Variants in TSPAN32 observed in about 807,000 individuals in gnomAD.
The protein encoded by TSPAN32 is tetraspanin 32, also known as tetraspanin-32.
A neutral mutation model predicts 42.7 loss-of-function variants in TSPAN32; 47 were observed. That is an observed-to-expected ratio of 1.10 (90% confidence interval 0.87 to 1.40). The LOEUF (loss-of-function observed/expected upper bound fraction) is 1.40. Among genes scored for constraint, TSPAN32 ranks in the 40% most tolerant of loss-of-function variants. The pLI is 0.00. For missense variants in TSPAN32, 469 were observed against 424.1 expected (o/e 1.11, Z -0.93); for synonymous variants, 175 against 175.9 (o/e 0.99, Z 0.04).
At chr11:2,315,582 G>A (rs1309679203) in intron 6 of TSPAN32, 1 of 1,177,796 alleles carries the variant, frequency 8.5e-7, no homozygotes. Flanking sequence ...CAGATGGGCT[G>A]GCATGGGCGG....
intron 3 of TSPAN32, among the ~76,000 whole-genome samples, chr11:2,306,209 A>C (rs1848077699): frequency 6.6e-6 from 1 of 151,982 alleles, no homozygotes. Context: ...CAGGGAGTGG[A>C]AAGATTTTTT....
Position 2,313,918 on chromosome 11 carries a change from C to T in TSPAN32, c.456+163C>T, listed in dbSNP as rs1848627309. On this transcript the variant is annotated intron_variant, in intron 5 of 9. Transcript: ENST00000182290. This position sits in a 1 kb window ranked among gnomAD's most constrained non-coding sequence, Gnocchi z 9.1. The stretch of plus-strand genomic sequence containing the variant: ...CAGGGCTGGGGGCAAAAAGCTCCCA[C>T]CCTCTGTCTGCCCAGGACAAGGCCG... Among the ~76,000 whole-genome samples the T allele has an allele frequency of 6.6e-6, 1 of 152,012 alleles. No individual in the cohort carries two copies.
rs948831210 is a variant in TSPAN32, at chr11:2,304,028, T to C, written c.182-79T>C. 5.0e-5 allele frequency: 58 copies of C among 1,150,476 alleles called. No individual in the cohort carries two copies. Among genetic ancestry groups the C allele is most frequent in the Non-Finnish European group, 7.2e-5 (57 of 786,678 alleles). The allele number at this position is 1,150,476 out of a possible 1,614,324, so 71.3% of individuals were successfully genotyped here. A position where few individuals can be genotyped will look rare whatever the true frequency, so the allele number is the denominator to read the frequency against. ...CCCTCACGGCCCCTGACTCCCAAGT[T>C]AGATTTCACACCCAGGCTGTGTGCA... is the stretch of plus-strand genomic sequence containing the variant. On this transcript the variant is annotated intron_variant, in intron 2 of 9. Coordinates refer to ENST00000182290, the MANE Select transcript of TSPAN32 (RefSeq NM_139022.3). This position sits in a 1 kb window ranked among gnomAD's most constrained non-coding sequence, Gnocchi z 4.8.
At chr11:2,316,795 C>T (rs559432481) in intron 8 of TSPAN32, 128 bp downstream of exon 8, 219 of 1,043,106 alleles carry the variant, frequency 2.1e-4, no homozygotes, top group Middle Eastern at 3.0e-4. Context: ...GTAGAGGAAA[C>T]GCTTTGGGGG....
At chr11:2,306,731 G>A (rs975405188) in intron 3 of TSPAN32, among the ~76,000 whole-genome samples, 1 of 149,856 alleles carries the variant, frequency 6.7e-6, no homozygotes, top group African/African-American at 2.5e-5. Flanking sequence ...AGGAGGAGGA[G>A]GAGGAGGACG....
At chr11:2,305,490 G>A (rs1848028614) in intron 3 of TSPAN32, among the ~76,000 whole-genome samples, 1 of 152,240 alleles carries the variant, frequency 6.6e-6, no homozygotes, top group Non-Finnish European at 1.5e-5. Flanking sequence ...AACCAGCGCT[G>A]GGGCTGCAGT....
At position 2,316,574 on chromosome 11, in the gene TSPAN32, A is replaced by C. The variant is rs753259534; in HGVS notation, c.628-2A>C. 1.9e-6 allele frequency: 3 copies of C among 1,593,434 alleles called. No individual in the cohort carries two copies. The East Asian group carries it at 6.7e-5, about 36-fold the overall frequency. On this transcript the variant is annotated splice_acceptor_variant, in intron 7 of 9. Coordinates refer to ENST00000182290, the MANE Select transcript of TSPAN32 (RefSeq NM_139022.3). LOFTEE classifies it high-confidence loss of function. ...GGGCAGCCGCGGGTGTCTCCCTCCC[A>C]GGTGTCCGCCTTGCTCTTCAGCTCC...
At chr11:2,306,363 A>G (rs1324100697) in intron 3 of TSPAN32, among the ~76,000 whole-genome samples, 1 of 152,126 alleles carries the variant, frequency 6.6e-6, no homozygotes, top group Non-Finnish European at 1.5e-5. Context: ...GCGCCGCCCA[A>G]GGAAGCACAT....
At chr11:2,311,031 C>A (rs1020791416) in intron 4 of TSPAN32, among the ~76,000 whole-genome samples, 1 of 152,240 alleles carries the variant, frequency 6.6e-6, no homozygotes, top group African/African-American at 2.4e-5. Context: ...GCACCGGAAA[C>A]GTCGAGGTGA....
chr11:2,314,576 G>T lies in TSPAN32; in HGVS notation c.543+5G>T, dbSNP rs771964174. 9 of 1,601,002 alleles carry T rather than the reference G, an allele frequency of 5.6e-6. No individual in the cohort carries two copies. The highest frequency in any genetic ancestry group is 7.7e-6 in the Non-Finnish European group (9 of 1,173,380). ...GGAGAGGAGGCGGCGAGAGAGGTGA[G>T]GGGGGGACCTGGATGCTGGCCAGGC... On this transcript the variant is annotated splice_donor_5th_base_variant and intron_variant, in intron 6 of 9. Coordinates refer to ENST00000182290, the MANE Select transcript of TSPAN32 (RefSeq NM_139022.3).
At chr11:2,315,666 C>G (rs1219621114) in intron 6 of TSPAN32, 1 of 1,190,960 alleles carries the variant, frequency 8.4e-7, no homozygotes, top group African/African-American at 1.6e-5. Flanking sequence ...ACAGGCCGCC[C>G]CAGTTGCCAT....
Position 2,313,989 on chromosome 11 carries a change from C to T in TSPAN32, c.456+234C>T, listed in dbSNP as rs192589689. On this transcript the variant is annotated intron_variant, in intron 5 of 9. Coordinates refer to ENST00000182290, the MANE Select transcript of TSPAN32 (RefSeq NM_139022.3). This position sits in a 1 kb window ranked among gnomAD's most constrained non-coding sequence, Gnocchi z 9.1. ...CAGTGCAAAACGAGAGGGCAGGGCCCTGTATTCAGAAACACTGAAGGATTT... is the reference window on the plus strand; with the variant it reads ...CAGTGCAAAACGAGAGGGCAGGGCCTTGTATTCAGAAACACTGAAGGATTT... Among the ~76,000 whole-genome samples the T allele has an allele frequency of 2.6e-5, 4 of 152,072 alleles. No individual in the cohort carries two copies. The highest frequency in any genetic ancestry group is 9.6e-5 in the African/African-American group (4 of 41,482).
In TSPAN32 at chr11:2,306,046, CTGTG is replaced by C. The variant is rs56961357; in HGVS notation, c.279+1864_279+1867del. On this transcript the variant is annotated intron_variant, in intron 3 of 9. Transcript: ENST00000182290. ...TGTGTGTGTGCGTGTGCAGGTGCCT[CTGTG>C]TGTGTGTGTGTGTGTGTGTGTAAGT... 8.8e-5 allele frequency among the ~76,000 whole-genome samples: 13 copies of C among 147,332 alleles called. No homozygotes were observed. The East Asian group carries it at 1.0e-3, about 11-fold the overall frequency.
chr11:2,311,512 C>T (rs773277188), intron 4 of TSPAN32, among the ~76,000 whole-genome samples: 7 of 152,254 alleles, frequency 4.6e-5, no homozygotes, highest in Admixed American at 6.5e-5. Flanking sequence ...ACAGTCTGCC[C>T]CACCCTGGAG....
chr11:2,302,511 G>T lies in TSPAN32; in HGVS notation c.66+296G>T, dbSNP rs915981712. On this transcript the variant is annotated intron_variant, in intron 1 of 9. Transcript: ENST00000182290. ...GGGGCACTGGCTGCCGGGCTCCAGG[G>T]ATCTTCTCCCCTTCCTGCCCCGGAG... Among the ~76,000 whole-genome samples the T allele has an allele frequency of 8.5e-5, 13 of 152,092 alleles. No individual in the cohort carries two copies. Among genetic ancestry groups the T allele is most frequent in the Non-Finnish European group, 1.2e-4 (8 of 68,000 alleles).
At chr11:2,302,250 TG>T in intron 1 of TSPAN32, 35 bp downstream of exon 1, 1 of 944,630 alleles carries the variant, frequency 1.1e-6, no homozygotes, top group Non-Finnish European at 1.4e-6. Flanking sequence ...GGGTGGTGGG[TG>T]GGGGTGAGCA....
intron 3 of TSPAN32, among the ~76,000 whole-genome samples, chr11:2,306,563 AAGAG>A (rs1173902025): frequency 6.7e-6 from 1 of 150,226 alleles, no homozygotes; most frequent in Non-Finnish European, 1.5e-5. Context: ...GAAAGAGAGA[AAGAG>A]AGAAAGAGAG....
chr11:2,309,355 G>A (rs909773217), intron 4 of TSPAN32: 4 of 470,366 alleles, frequency 8.5e-6, no homozygotes, highest in South Asian at 1.5e-5. Context: ...TGACCTGCCT[G>A]GAGGAGGGTC....
intron 4 of TSPAN32, among the ~76,000 whole-genome samples, chr11:2,309,818 G>T (rs1347086190): frequency 6.6e-6 from 1 of 152,120 alleles, no homozygotes; most frequent in African/African-American, 2.4e-5. Context: ...CAAATGGGGG[G>T]ACTCAGGCCC....
Sources: allele counts gnomAD v4.1 joint callset (sites outside exome capture counted in the v4.1 genomes callset), GRCh38; gene constraint gnomAD v4.1.1; non-coding constraint Gnocchi (gnomAD v3.1); transcripts MANE v1.5; gene names NCBI Gene and HGNC (gene_info 2026-07-23, HGNC 2026-07-21).